Variants in FHAD1 observed in about 807,000 individuals in gnomAD.
FHAD1 encodes forkhead associated phosphopeptide binding domain 1.
Under a neutral mutation model 191.3 loss-of-function variants are expected in FHAD1, and 146 were observed. The observed-to-expected ratio is 0.76, with a 90% CI of 0.67 to 0.88. The LOEUF is 0.88. FHAD1 is among the 40% of genes least tolerant of loss of function. FHAD1 has a pLI of 0.00. For missense variants in FHAD1, 1,635 were observed against 1,785.8 expected, an observed-to-expected ratio of 0.92 and a Z score of 1.52; for synonymous variants, 616 against 672.3, an observed-to-expected ratio of 0.92 and a Z score of 1.29.
At chr1:15,338,532 A>G (rs1324117002) in intron 14 of FHAD1, among the ~76,000 whole-genome samples, 1 of 152,016 alleles carries the variant, frequency 6.6e-6, no homozygotes, top group Non-Finnish European at 1.5e-5. Flanking sequence ...CCTTAACTTA[A>G]TCGTATTTGC....
intron 31 of FHAD1, chr1:15,384,509 A>G (rs982975349): frequency 6.6e-6 from 1 of 152,270 alleles, no homozygotes; most frequent in Admixed American, 6.5e-5. Context: ...AGGGCCCTAA[A>G]AAGCCCATTG....
rs1706422505 is a variant in FHAD1, at chr1:15,397,645, T to A, written c.*232T>A. ...TACACGAACTCAGGTATATGAAGAA[T>A]AGAAGTGTGTAACCCAGATGTCCAG... On this transcript the variant is annotated 3_prime_UTR_variant, in exon 34 of 34. Coordinates refer to ENST00000688493, the MANE Select transcript of FHAD1 (RefSeq NM_001391957.1). The A allele has an allele frequency of 3.2e-6, 1 of 312,164 alleles. No homozygotes were observed. The highest frequency in any genetic ancestry group is 2.1e-5 in the African/African-American group (1 of 47,036). 19.3% of individuals were successfully genotyped at this position (312,164 alleles called of 1,614,324 possible).
intron 23 of FHAD1, chr1:15,364,249 G>C (rs187858576): frequency 3.2e-3 from 500 of 155,522 alleles, no homozygotes; most frequent in African/African-American, 0.011. Context: ...CAGTCTTTTT[G>C]TTTGTTTGTT....
In FHAD1 at chr1:15,316,152, G is replaced by A. The variant is rs1210747196; in HGVS notation, c.1171-226G>A. Among the ~76,000 whole-genome samples the A allele has an allele frequency of 6.6e-6, 1 of 152,262 alleles. No homozygotes were observed. The highest frequency in any genetic ancestry group is 1.5e-5 in the Non-Finnish European group (1 of 68,046). On this transcript the variant is annotated intron_variant, in intron 8 of 33. Transcript: ENST00000688493. The surrounding 1 kb of genome is among the most constrained non-coding windows in gnomAD (Gnocchi z 4.3). ...TTGCTGGCTTTTGAAGATGAGAGTA[G>A]TGGCTTTATTCCTCTGATTTCCTGA...
chr1:15,390,006 A>T (rs1703474117), intron 32 of FHAD1, among the ~76,000 whole-genome samples: 1 of 152,206 alleles, frequency 6.6e-6, no homozygotes, highest in Non-Finnish European at 1.5e-5. Context: ...GGCAGACGTC[A>T]CAAAATAGCA....
intron 18 of FHAD1, among the ~76,000 whole-genome samples, chr1:15,347,250 A>G (rs1689237329): frequency 6.6e-6 from 1 of 152,200 alleles, no homozygotes. Context: ...CAAGATGTCA[A>G]CAGCAAAAGC....
At chr1:15,261,125 G>T (rs1335759782) in intron 2 of FHAD1, among the ~76,000 whole-genome samples, 1 of 152,144 alleles carries the variant, frequency 6.6e-6, no homozygotes, top group South Asian at 2.1e-4. Context: ...GTTATTGTGG[G>T]TTTACTTTGT....
At chr1:15,357,091 G>A (rs774384209) in intron 20 of FHAD1, among the ~76,000 whole-genome samples, 4 of 152,158 alleles carry the variant, frequency 2.6e-5, no homozygotes, top group Non-Finnish European at 4.4e-5. Flanking sequence ...CTAAAGTGGA[G>A]TTGCTGAGTC....
intron 4 of FHAD1, among the ~76,000 whole-genome samples, chr1:15,291,219 T>A (rs1299450053): frequency 6.6e-6 from 1 of 151,606 alleles, no homozygotes; most frequent in Non-Finnish European, 1.5e-5. Context: ...GTAGCTGGGA[T>A]TACAGGCACA....
chr1:15,294,348 C>T (rs543234189), intron 4 of FHAD1, among the ~76,000 whole-genome samples: 36 of 152,318 alleles, frequency 2.4e-4, no homozygotes, highest in African/African-American at 8.4e-4. Flanking sequence ...TTCTCAATCT[C>T]GGCACTGCTG....
In FHAD1 at chr1:15,375,592, T is replaced by G; in HGVS notation, c.3578-11T>G. 1 of 1,514,280 alleles carries G rather than the reference T, an allele frequency of 6.6e-7. No homozygotes were observed. The highest frequency in any genetic ancestry group is 8.8e-7 in the Non-Finnish European group (1 of 1,135,442). The allele number at this position is 1,514,280 out of a possible 1,614,324, so 93.8% of individuals were successfully genotyped here. ...AGCCTTTCTTTTGAGTCTACTTTAT[T>G]TCTTTTACAGATCATAAAGACCACC... On this transcript the variant is annotated splice_polypyrimidine_tract_variant and intron_variant, in intron 27 of 33. Coordinates refer to ENST00000688493, the MANE Select transcript of FHAD1 (RefSeq NM_001391957.1).
At chr1:15,374,867 T>G (rs1411975104) in intron 27 of FHAD1, among the ~76,000 whole-genome samples, 10 of 149,130 alleles carry the variant, frequency 6.7e-5, no homozygotes, top group South Asian at 6.4e-4. Context: ...TTTGTTTGTT[T>G]TTTTTTTTTG....
intron 8 of FHAD1, among the ~76,000 whole-genome samples, chr1:15,315,639 C>T (rs1228769448): frequency 1.3e-5 from 2 of 152,024 alleles, no homozygotes; most frequent in Non-Finnish European, 2.9e-5. Flanking sequence ...GCGCCCGCCA[C>T]CACACCTGGC....
In FHAD1 at chr1:15,240,623, C is replaced by T. The variant is rs369083294; in HGVS notation, c.-15+3862C>T. ...TCCCAGCCTGGACAACAGGAGAGACCCTGTCTCAAAAAAAAAAAAAAAAAG... is the reference window on the plus strand; with the variant it reads ...TCCCAGCCTGGACAACAGGAGAGACTCTGTCTCAAAAAAAAAAAAAAAAAG... On this transcript the variant is annotated intron_variant, in intron 1 of 33. Coordinates refer to the FHAD1 transcript ENST00000683790. 1.1e-3 allele frequency among the ~76,000 whole-genome samples: 124 copies of T among 112,520 alleles called. 1 individual carries two copies. Among genetic ancestry groups the T allele is most frequent in the African/African-American group, 3.5e-3 (92 of 26,028 alleles). The allele number at this position is 112,520 out of a possible 152,430, so 73.8% of individuals were successfully genotyped here.
At chr1:15,320,884 TC>T (rs1420572509) in intron 10 of FHAD1, among the ~76,000 whole-genome samples, 2 of 152,220 alleles carry the variant, frequency 1.3e-5, no homozygotes, top group Non-Finnish European at 2.9e-5. Flanking sequence ...CTACCTATGT[TC>T]CTTTTTCTCC....
intron 25 of FHAD1, among the ~76,000 whole-genome samples, chr1:15,367,915 A>G (rs1696974583): frequency 1.3e-5 from 2 of 152,098 alleles, no homozygotes; most frequent in South Asian, 4.2e-4. Flanking sequence ...CACTCTGTCT[A>G]ACCTACCACT....
At chr1:15,366,756 G>A (rs1390594441) in intron 24 of FHAD1, among the ~76,000 whole-genome samples, 2 of 152,218 alleles carry the variant, frequency 1.3e-5, no homozygotes, top group African/African-American at 2.4e-5. Context: ...GTTCTGTGCT[G>A]TTCTGGACAG....
At chr1:15,278,475 C>CTTTTTTTTTTTTTTTTTTTTTTTT (rs34110532) in intron 3 of FHAD1, among the ~76,000 whole-genome samples, 1 of 124,324 alleles carries the variant, frequency 8.0e-6, no homozygotes, top group African/African-American at 3.3e-5. Context: ...TTCATTACCT[C>CTTTTTTTTTTTTTTTTTTTTTTTT]TTTTTTTTTT....
chr1:15,402,281 G>C (rs1181428833), downstream of FHAD1, among the ~76,000 whole-genome samples: 1 of 152,230 alleles, frequency 6.6e-6, no homozygotes, highest in Non-Finnish European at 1.5e-5. Flanking sequence ...TGAAAAGGAA[G>C]TTGGAATCAT....
Sources: gnomAD v4.1 joint callset for allele counts (sites outside exome capture counted in the v4.1 genomes callset) on GRCh38, gnomAD v4.1.1 for gene constraint, Gnocchi (gnomAD v3.1) non-coding constraint, MANE v1.5 for transcripts, NCBI Gene and HGNC (gene_info 2026-07-23, HGNC 2026-07-21) for gene names.